GPX4: variants seen among roughly 807,000 people sequenced by gnomAD.
GPX4 encodes the protein glutathione peroxidase 4.
In GPX4, 28 loss-of-function variants were observed where a neutral mutation model predicts 27.8. The ratio of observed to expected loss-of-function variants is 1.01; its 90% CI spans 0.75 to 1.38. The LOEUF (loss-of-function observed/expected upper bound fraction) is 1.38. GPX4 is among the 40% of genes most tolerant of loss of function. The probability of loss-of-function intolerance (pLI) is 0.00; values close to 1 mark genes in which losing one functional copy is unlikely to be tolerated. For synonymous variants in GPX4, 163 were observed against 107.8 expected (o/e 1.51, Z -3.17); for missense variants, 357 against 274.1 (o/e 1.30, Z -2.14).
In GPX4 at chr19:1,105,794, A is replaced by G. The variant is rs1304599696; in HGVS notation, c.461A>G (p.Lys154Arg). The change falls in exon 4 of 7, where the codon AAG (lysine) becomes AGG (arginine). Residue 154 changes from lysine to arginine, a missense_variant. Transcript: ENST00000354171. ...WKWMKIQPKGKGILGNAIKWN... is the reference protein window; with the variant it reads ...WKWMKIQPKGRGILGNAIKWN... ...TGGATGAAGATCCAACCCAAGGGCA[A>G]GGGCATCCTGGGAAAGTGCGTGACC... 7.4e-7 allele frequency: 1 copy of G among 1,342,974 alleles called. No individual in the cohort carries two copies. Among genetic ancestry groups the G allele is most frequent in the Non-Finnish European group, 9.8e-7 (1 of 1,023,664 alleles). The allele number at this position is 1,342,974 out of a possible 1,614,324, so 83.2% of individuals were successfully genotyped here.
intron 1 of GPX4, 147 bp downstream of exon 1, chr19:1,104,274 G>A (rs183015432): frequency 0.011 from 7,773 of 704,846 alleles, 63 homozygotes; most frequent in Non-Finnish European, 0.014. Flanking sequence ...ACCCCCGGCC[G>A]GGCACGGACG....
rs2145167910 is a variant in GPX4, at chr19:1,105,671, A to G, written c.338A>G (p.Asn113Ser). 1.2e-6 allele frequency: 2 copies of G among 1,613,090 alleles called. No homozygotes were observed. Among genetic ancestry groups the G allele is most frequent in the South Asian group, 2.2e-5 (2 of 91,018 alleles). The change falls in exon 4 of 7, where the codon AAC (asparagine) becomes AGC (serine). Residue 113 changes from asparagine (N) to serine (S), a missense_variant. Transcript: ENST00000354171. ...NQFGKQEPGS[N>S]EEIKEFAAGY... ...TGGCCGCCACAGGAGCCAGGGAGTA[A>G]CGAAGAGATCAAAGAGTTCGCCGCG...
chr19:1,104,363 G>A, intron 1 of GPX4: 1 of 466,178 alleles, frequency 2.1e-6, no homozygotes, highest in Non-Finnish European at 3.7e-6. Context: ...GAAGGGGAAG[G>A]GGTTGTTCCA....
intron 5 of GPX4, 49 bp downstream of exon 5, chr19:1,106,315 G>A (rs541198430): frequency 5.5e-5 from 88 of 1,607,682 alleles, no homozygotes; most frequent in East Asian, 2.2e-4. Context: ...GGCCACAGCC[G>A]TGGCCCAGAT....
Position 1,104,050 on chromosome 19 carries a change from C to A in GPX4, c.7C>A (p.Leu3Ile), listed in dbSNP as rs573390223. 5 of 1,520,246 alleles carry A rather than the reference C, an allele frequency of 3.3e-6. No individual in the cohort carries two copies. In the East Asian group the frequency reaches 1.3e-4, roughly 39 times the overall value. The allele number at this position is 1,520,246 out of a possible 1,614,324, so 94.2% of individuals were successfully genotyped here. Residue 3 changes from leucine to isoleucine, a missense_variant, in exon 1 of 7, where the codon CTC (leucine) becomes ATC (isoleucine). Transcript: ENST00000354171. The stretch of plus-strand genomic sequence containing the variant: ...GGCTCCCAGCCCCGCCGCGATGAGC[C>A]TCGGCCGCCTTTGCCGCCTACTGAA... MS[L>I]GRLCRLLKPA...
intron 1 of GPX4, chr19:1,104,874 C>G: frequency 7.8e-7 from 1 of 1,274,336 alleles, no homozygotes; most frequent in South Asian, 1.9e-5. Context: ...CGGAAGAAGC[C>G]CTGTCCCCGC....
rs750297144 is a variant in GPX4 at position 1,106,442 on chromosome 19, C to T, written c.544C>T (p.Pro182Ser). 6.2e-7 allele frequency: 1 copy of T among 1,613,242 alleles called. No individual in the cohort carries two copies. Residue 182 changes from proline to serine, a missense_variant, in exon 6 of 7, where the codon CCC becomes TCC. Physicochemically the swap from Pro to Ser is moderately conservative, Grantham distance 74. Transcript: ENST00000354171. ...CGGCTGCGTGGTGAAGCGCTACGGACCCATGGAGGAGCCCCTGGTAGGTCC... is the reference window on the plus strand; with the variant it reads ...CGGCTGCGTGGTGAAGCGCTACGGATCCATGGAGGAGCCCCTGGTAGGTCC... Reference protein sequence around the residue: ...KNGCVVKRYGPMEEPLVIEKD... With the variant: ...KNGCVVKRYGSMEEPLVIEKD...
At position 1,105,254 on chromosome 19, in the gene GPX4, G is replaced by T. The variant is rs1466672680; in HGVS notation, c.153G>T (p.Gly51=). 6.8e-6 allele frequency: 11 copies of T among 1,613,104 alleles called. No individual in the cohort carries two copies. Among genetic ancestry groups the T allele is most frequent in the Non-Finnish European group, 9.3e-6 (11 of 1,179,920 alleles). ...MHEFSAKDID[G]HMVNLDKYRG... is the part of the protein sequence containing the mutation. ...AGTTTTCCGCCAAGGACATCGACGG[G>T]CACATGGTTAACCTGGACAAGTACC... The change falls in exon 2 of 7, where the codon GGG becomes GGT. Residue 51 remains glycine, a synonymous_variant. Transcript: ENST00000354171.
At chr19:1,106,201 G>A (rs1475313785) in intron 4 of GPX4, 41 bp from the exon 5 acceptor site, 1 of 1,571,788 alleles carries the variant, frequency 6.4e-7, no homozygotes, top group Admixed American at 1.7e-5. Context: ...GGACTGTGGG[G>A]GGCTGCTGGG....
intron 4 of GPX4, 37 bp downstream of exon 4, chr19:1,105,846 G>C: frequency 2.9e-6 from 3 of 1,032,370 alleles, no homozygotes; most frequent in Non-Finnish European, 4.0e-6. Context: ...CTGCTGGGGT[G>C]GGGGTGGGGG....
intron 4 of GPX4, 79 bp from the exon 5 acceptor site, chr19:1,106,163 G>T: frequency 5.8e-6 from 8 of 1,370,028 alleles, no homozygotes; most frequent in Non-Finnish European, 8.0e-6. Flanking sequence ...TCACACCCTT[G>T]TGGCCTCCTG....
Position 1,106,713 on chromosome 19 carries a change from T to C in GPX4, c.*141T>C, listed in dbSNP as rs1276373877. The C allele has an allele frequency of 1.7e-6, 2 of 1,145,266 alleles. No individual in the cohort carries two copies. Among genetic ancestry groups the C allele is most frequent in the Non-Finnish European group, 2.5e-6 (2 of 815,384 alleles). 70.9% of individuals were successfully genotyped at this position (1,145,266 alleles called of 1,614,324 possible). ...TGCACCCCGCCGGAGGAAGGTCCCA[T>C]GGCCTGCTGGGCTTGGCTCGGCGCC... On this transcript the variant is annotated 3_prime_UTR_variant, in exon 7 of 7. Coordinates refer to ENST00000354171, the MANE Select transcript of GPX4 (RefSeq NM_002085.5).
intron 1 of GPX4, chr19:1,104,349 C>CGGGGAA (rs1036209301): frequency 4.4e-6 from 2 of 459,024 alleles, no homozygotes; most frequent in East Asian, 7.6e-5. Context: ...GGGCTGGGGT[C>CGGGGAA]GGGGAAGGGG....
At chr19:1,104,437 G>T in intron 1 of GPX4, 1 of 380,006 alleles carries the variant, frequency 2.6e-6, no homozygotes, top group Non-Finnish European at 4.4e-6. Context: ...TGCCGGGGCC[G>T]GGGTCGGGGG....
In GPX4 at chr19:1,105,647, G is replaced by T; in HGVS notation, c.325-11G>T. 6.2e-7 allele frequency: 1 copy of T among 1,611,932 alleles called. No individual in the cohort carries two copies. The highest frequency in any genetic ancestry group is 8.5e-7 in the Non-Finnish European group (1 of 1,179,306). On this transcript the variant is annotated splice_polypyrimidine_tract_variant and intron_variant, in intron 3 of 6. Coordinates refer to ENST00000354171, the MANE Select transcript of GPX4 (RefSeq NM_002085.5). The stretch of plus-strand genomic sequence containing the variant: ...AGCCCCCGACTCACTCACACACCTT[G>T]GCCGCCACAGGAGCCAGGGAGTAAC...
rs1287420865 is a variant in GPX4, at chr19:1,104,103, C to A, written c.60C>A (p.Ala20=). ...LKPALLCGAL[A]APGLAGTMCA... Reference sequence around the variant, plus strand: ...CGGCGCTGCTCTGTGGGGCTCTGGCCGCGCCTGGCCTGGCCGGGACCATGG... The same window carrying A: ...CGGCGCTGCTCTGTGGGGCTCTGGCAGCGCCTGGCCTGGCCGGGACCATGG... The change falls in exon 1 of 7, where the codon GCC becomes GCA. Residue 20 remains alanine, a synonymous_variant. Transcript: ENST00000354171. 4.6e-6 allele frequency: 7 copies of A among 1,505,806 alleles called. No individual in the cohort carries two copies. Among genetic ancestry groups the A allele is most frequent in the South Asian group, 3.7e-5 (3 of 80,894 alleles). 93.3% of individuals were successfully genotyped at this position (1,505,806 alleles called of 1,614,324 possible). A position where few individuals can be genotyped will look rare whatever the true frequency, so the allele number is the denominator to read the frequency against.
At chr19:1,105,632 TCA>T (rs1568534436) in intron 3 of GPX4, 24 bp from the exon 4 acceptor site, 3 of 1,610,166 alleles carry the variant, frequency 1.9e-6, no homozygotes, top group Non-Finnish European at 1.7e-6. Flanking sequence ...AGCCCCCGAC[TCA>T]CTCACACACC....
At chr19:1,104,801 C>T (rs1473121186) in intron 1 of GPX4, 7 of 992,938 alleles carry the variant, frequency 7.0e-6, no homozygotes, top group Non-Finnish European at 8.4e-6. Context: ...GGGCAGGCGG[C>T]GGCCGCGAGC....
chr19:1,104,019 G>T lies in GPX4; in HGVS notation c.-25G>T. On this transcript the variant is annotated 5_prime_UTR_variant, in exon 1 of 7. Coordinates refer to ENST00000354171, the MANE Select transcript of GPX4 (RefSeq NM_002085.5). Reference sequence around the variant, plus strand: ...ATTGGTCGGCTGGACGAGGGGAGGAGCCGCTGGCTCCCAGCCCCGCCGCGA... The same window carrying T: ...ATTGGTCGGCTGGACGAGGGGAGGATCCGCTGGCTCCCAGCCCCGCCGCGA... 6.6e-7 allele frequency: 1 copy of T among 1,514,184 alleles called. No individual in the cohort carries two copies. Among genetic ancestry groups the T allele is most frequent in the Non-Finnish European group, 8.8e-7 (1 of 1,137,246 alleles). The allele number at this position is 1,514,184 out of a possible 1,614,324, so 93.8% of individuals were successfully genotyped here.
Sources: gnomAD v4.1 joint callset for allele counts on GRCh38, gnomAD v4.1.1 for gene constraint, MANE v1.5 for transcripts, NCBI Gene and HGNC (gene_info 2026-07-23, HGNC 2026-07-21) for gene names.